Variants in NLGN1 observed in about 807,000 individuals in gnomAD.
The protein encoded by NLGN1 is neuroligin 1, also known as neuroligin-1.
NLGN1 carries 12 observed loss-of-function variants against 65.5 expected under a neutral mutation model. The ratio of observed to expected loss-of-function variants is 0.18; its 90% confidence interval spans 0.12 to 0.30. The LOEUF is 0.30. Ranked by LOEUF, NLGN1 falls within the 10% of genes least tolerant of loss-of-function variation. The pLI is 1.00. For missense variants in NLGN1, 750 were observed against 1,007.1 expected (o/e 0.74, Z 3.46); for synonymous variants, 350 against 359.5 (o/e 0.97, Z 0.30).
intron 4 of NLGN1, among the ~76,000 whole-genome samples, chr3:173,958,544 A>T (rs1044935140): frequency 7.9e-5 from 12 of 152,058 alleles, no homozygotes; most frequent in African/African-American, 2.9e-4. Context: ...TTCTCCTTGA[A>T]TCTGACAGTC....
intron 4 of NLGN1, among the ~76,000 whole-genome samples, chr3:174,265,756 A>G (rs1264124523): frequency 7.3e-6 from 1 of 136,462 alleles, no homozygotes; most frequent in African/African-American, 2.9e-5. Context: ...ACCTAAAACT[A>G]AGAAGGCTAT....
intron 3 of NLGN1, among the ~76,000 whole-genome samples, chr3:173,749,108 G>T (rs977821468): frequency 6.6e-6 from 1 of 152,024 alleles, no homozygotes; most frequent in Admixed American, 6.6e-5. Context: ...ATAAGGCAGA[G>T]AACCCTATAA....
chr3:173,775,199 T>C (rs1780129911), intron 3 of NLGN1, among the ~76,000 whole-genome samples: 1 of 152,182 alleles, frequency 6.6e-6, no homozygotes, highest in African/African-American at 2.4e-5. Flanking sequence ...TGTCTAATAA[T>C]TAAAAGGTAA....
chr3:174,096,991 G>GTT (rs536083957), intron 4 of NLGN1, among the ~76,000 whole-genome samples: 3 of 147,214 alleles, frequency 2.0e-5, no homozygotes, highest in African/African-American at 7.4e-5. Context: ...GTGTCTATAA[G>GTT]TTTTTTTTTT....
At chr3:173,806,881 C>A (rs1355404068) in intron 3 of NLGN1, among the ~76,000 whole-genome samples, 1 of 152,096 alleles carries the variant, frequency 6.6e-6, no homozygotes, top group Non-Finnish European at 1.5e-5. Flanking sequence ...TTAGCTCTAT[C>A]CCATCCCATG....
intron 4 of NLGN1, among the ~76,000 whole-genome samples, chr3:173,890,307 G>C (rs1336856376): frequency 6.6e-6 from 1 of 152,090 alleles, no homozygotes; most frequent in Non-Finnish European, 1.5e-5. Context: ...ATGGTCAGAG[G>C]TTTGTTCAGA....
chr3:173,422,563 T>C (rs1715298356), intron 1 of NLGN1, among the ~76,000 whole-genome samples: 2 of 152,230 alleles, frequency 1.3e-5, no homozygotes, highest in Admixed American at 6.5e-5. Context: ...TTTTCTATAA[T>C]GGCTGTACTA....
At chr3:173,942,028 C>T (rs894136095) in intron 4 of NLGN1, among the ~76,000 whole-genome samples, 1 of 150,904 alleles carries the variant, frequency 6.6e-6, no homozygotes, top group African/African-American at 2.4e-5. Context: ...TATTGATGCT[C>T]CCTTCTTATT....
At chr3:173,818,537 A>G (rs535474294) in intron 4 of NLGN1, among the ~76,000 whole-genome samples, 1 of 152,298 alleles carries the variant, frequency 6.6e-6, no homozygotes, top group South Asian at 2.1e-4. Flanking sequence ...CAAACAGACC[A>G]CCCACAACCA....
intron 4 of NLGN1, among the ~76,000 whole-genome samples, chr3:174,020,724 C>T (rs1727586584): frequency 6.6e-6 from 1 of 152,018 alleles, no homozygotes; most frequent in Non-Finnish European, 1.5e-5. Flanking sequence ...TTGTGTTATG[C>T]TCTTTAGTGG....
chr3:173,661,338 A>C (rs905402106), intron 3 of NLGN1, among the ~76,000 whole-genome samples: 1 of 151,962 alleles, frequency 6.6e-6, no homozygotes, highest in East Asian at 1.9e-4. Context: ...TTTCAGATGG[A>C]TAAGTTGAGG....
intron 2 of NLGN1, among the ~76,000 whole-genome samples, chr3:173,575,067 C>T (rs991432314): frequency 6.6e-6 from 1 of 152,084 alleles, no homozygotes; most frequent in African/African-American, 2.4e-5. Context: ...AAAAAATTTG[C>T]ATAGAGACAG....
intron 3 of NLGN1, among the ~76,000 whole-genome samples, chr3:173,663,214 GT>G (rs1257673260): frequency 6.6e-6 from 1 of 151,844 alleles, no homozygotes; most frequent in Non-Finnish European, 1.5e-5. Context: ...AAAGTGTTTA[GT>G]TGTATCTTCC....
intron 2 of NLGN1, among the ~76,000 whole-genome samples, chr3:173,587,818 G>A (rs986526635): frequency 3.3e-5 from 5 of 149,972 alleles, no homozygotes; most frequent in African/African-American, 1.3e-4. Flanking sequence ...TTGCTTGACA[G>A]CTGCACCTGT....
chr3:173,674,715 A>T (rs1456346337), intron 3 of NLGN1, among the ~76,000 whole-genome samples: 1 of 152,116 alleles, frequency 6.6e-6, no homozygotes, highest in African/African-American at 2.4e-5. Context: ...AGCTTTTAAA[A>T]TTTTGAGTGG....
At chr3:173,598,392 A>T (rs1446771793) in intron 2 of NLGN1, among the ~76,000 whole-genome samples, 1 of 152,090 alleles carries the variant, frequency 6.6e-6, no homozygotes. Context: ...TACATAAAAA[A>T]TGGCAAATAG....
chr3:173,999,086 T>C (rs1379020106), intron 4 of NLGN1, among the ~76,000 whole-genome samples: 2 of 152,194 alleles, frequency 1.3e-5, no homozygotes, highest in Admixed American at 1.3e-4. Context: ...AACTTTTCTC[T>C]ACAGGAGTTA....
At chr3:173,427,494 T>G (rs1716334927) in intron 1 of NLGN1, among the ~76,000 whole-genome samples, 1 of 151,908 alleles carries the variant, frequency 6.6e-6, no homozygotes, top group African/African-American at 2.4e-5. Flanking sequence ...ACTGCATAGG[T>G]TTTGGTATGT....
chr3:173,763,233 T>G (rs1013991742), intron 3 of NLGN1, among the ~76,000 whole-genome samples: 1 of 152,114 alleles, frequency 6.6e-6, no homozygotes, highest in Non-Finnish European at 1.5e-5. Flanking sequence ...ATGAACATCA[T>G]TATTCCAGCA....
Sources: allele counts gnomAD v4.1 joint callset (sites outside exome capture counted in the v4.1 genomes callset), GRCh38; gene constraint gnomAD v4.1.1; transcripts MANE v1.5; gene names NCBI Gene and HGNC (gene_info 2026-07-23, HGNC 2026-07-21).